SOX5: variants seen among roughly 807,000 people sequenced by gnomAD.
SOX5 encodes the protein SRY-box transcription factor 5.
A neutral mutation model predicts 92.0 loss-of-function variants in SOX5; 9 were observed. That is an observed-to-expected ratio of 0.10 (90% CI 0.06 to 0.17). The LOEUF is 0.17. SOX5 is among the 10% of genes least tolerant of loss of function. The pLI, the probability that SOX5 is intolerant of heterozygous loss-of-function variation, is 1.00. For missense variants in SOX5, 642 were observed against 944.5 expected (o/e 0.68, Z 4.20); for synonymous variants, 344 against 336.3 (o/e 1.02, Z -0.25).
chr12:24,406,635 T>C (rs975486892), intron 1 of SOX5, among the ~76,000 whole-genome samples: 3 of 152,074 alleles, frequency 2.0e-5, no homozygotes, highest in African/African-American at 7.2e-5. Context: ...TCTTCTGATA[T>C]TAAATTAACT....
At position 24,552,600 on chromosome 12, in the gene SOX5, T is replaced by G. The variant is rs893351810; in HGVS notation, c.-251+9729A>C. On this transcript the variant is annotated intron_variant, in intron 1 of 4. Coordinates refer to the SOX5 transcript ENST00000446891. ...GTATTCAGAATCTCTGCTTAAGTCA[T>G]AAAATACTTTCCCTTAAGTATATGC... 6.6e-5 allele frequency among the ~76,000 whole-genome samples: 10 copies of G among 152,380 alleles called. No individual in the cohort carries two copies. In the East Asian group the frequency reaches 1.5e-3, roughly 23 times the overall value.
intron 8 of SOX5, among the ~76,000 whole-genome samples, chr12:23,629,310 G>A (rs2078233125): frequency 6.6e-6 from 1 of 151,904 alleles, no homozygotes; most frequent in African/African-American, 2.4e-5. Context: ...CCTTTTAAAC[G>A]AAACAACTTA....
chr12:23,608,068 G>C (rs1422030638), intron 8 of SOX5, among the ~76,000 whole-genome samples: 1 of 126,120 alleles, frequency 7.9e-6, no homozygotes, highest in African/African-American at 3.0e-5. Flanking sequence ...CTGGGAGTTT[G>C]AGACCAGCCT....
At chr12:23,885,073 C>T (rs766440319) in intron 2 of SOX5, among the ~76,000 whole-genome samples, 1 of 152,064 alleles carries the variant, frequency 6.6e-6, no homozygotes, top group Non-Finnish European at 1.5e-5. Context: ...ATGTCCCTAG[C>T]GGTGCAAAGC....
chr12:23,966,347 C>A lies in SOX5; in HGVS notation c.-1-70323G>T, dbSNP rs536422877. Among the ~76,000 whole-genome samples the A allele has an allele frequency of 2.7e-5, 4 of 150,298 alleles. No individual in the cohort carries two copies. The East Asian group carries it at 7.9e-4, about 30-fold the overall frequency. On this transcript the variant is annotated intron_variant, in intron 4 of 4. Transcript: ENST00000446891. ...AAACTGAAAGGCAGGAAATTTTGTT[C>A]AGTAACTGTCATCATAAACATCTAA...
At chr12:24,095,450 T>C (rs187773392) in intron 4 of SOX5, among the ~76,000 whole-genome samples, 4 of 151,108 alleles carry the variant, frequency 2.6e-5, no homozygotes, top group Non-Finnish European at 5.9e-5. Flanking sequence ...TTTATTTATT[T>C]ATTTATTTAT....
chr12:23,672,899 AT>A (rs1169545212), intron 6 of SOX5, among the ~76,000 whole-genome samples: 2 of 152,142 alleles, frequency 1.3e-5, no homozygotes, highest in East Asian at 3.8e-4. Context: ...AGTAAACTTT[AT>A]TTTCAAATCT....
intron 4 of SOX5, among the ~76,000 whole-genome samples, chr12:24,111,882 AT>A (rs1265560184): frequency 6.6e-6 from 1 of 152,146 alleles, no homozygotes; most frequent in Non-Finnish European, 1.5e-5. Flanking sequence ...TATTATAGAT[AT>A]TTTCTGCCTT....
At chr12:24,157,094 A>T (rs999443433) in intron 4 of SOX5, among the ~76,000 whole-genome samples, 1 of 151,800 alleles carries the variant, frequency 6.6e-6, no homozygotes, top group Non-Finnish European at 1.5e-5. Flanking sequence ...TTTTCTTTCC[A>T]TTTTCATTGT....
chr12:24,555,246 T>A (rs1350575754), intron 1 of SOX5, among the ~76,000 whole-genome samples: 1 of 152,190 alleles, frequency 6.6e-6, no homozygotes, highest in Non-Finnish European at 1.5e-5. Flanking sequence ...CTCAACTGAA[T>A]AGAAAGCCTA....
At chr12:24,491,567 A>T (rs531194261) in intron 1 of SOX5, among the ~76,000 whole-genome samples, 1 of 152,344 alleles carries the variant, frequency 6.6e-6, no homozygotes, top group African/African-American at 2.4e-5. Flanking sequence ...ATGCAAAAAA[A>T]GTCCTTTGAA....
At chr12:24,028,583 A>C (rs1955141779) in intron 4 of SOX5, among the ~76,000 whole-genome samples, 1 of 151,982 alleles carries the variant, frequency 6.6e-6, no homozygotes, top group South Asian at 2.1e-4. Context: ...AGACTCTAAG[A>C]AGTTATAAGA....
intron 3 of SOX5, among the ~76,000 whole-genome samples, chr12:23,822,101 G>C (rs941707941): frequency 6.6e-6 from 1 of 151,874 alleles, no homozygotes; most frequent in South Asian, 2.1e-4. Context: ...TTTTTTGAAG[G>C]GTTTTTGTGT....
intron 2 of SOX5, among the ~76,000 whole-genome samples, chr12:23,886,732 A>C (rs2097071726): frequency 1.3e-5 from 2 of 152,186 alleles, no homozygotes; most frequent in Admixed American, 6.5e-5. Context: ...CTCAAAATTA[A>C]AAAAGAAATA....
intron 3 of SOX5, among the ~76,000 whole-genome samples, chr12:23,791,502 C>A (rs945069969): frequency 6.6e-6 from 1 of 152,182 alleles, no homozygotes; most frequent in African/African-American, 2.4e-5. Context: ...TGTTTCAGAG[C>A]ATTTCAGCTG....
chr12:23,958,741 A>G (rs1017318914), intron 4 of SOX5, among the ~76,000 whole-genome samples: 1 of 149,314 alleles, frequency 6.7e-6, no homozygotes, highest in African/African-American at 2.4e-5. Context: ...AAAAAAAAAG[A>G]TATCAAACTG....
At chr12:24,462,589 T>C (rs1943763575) in intron 1 of SOX5, among the ~76,000 whole-genome samples, 1 of 152,216 alleles carries the variant, frequency 6.6e-6, no homozygotes, top group African/African-American at 2.4e-5. Context: ...CCTCTGCTTC[T>C]ATAATCCCTA....
chr12:23,902,132 T>A (rs2097240630), intron 1 of SOX5, among the ~76,000 whole-genome samples: 1 of 152,148 alleles, frequency 6.6e-6, no homozygotes, highest in Admixed American at 6.5e-5. Context: ...TACTGAGCTA[T>A]CACCTACTTA....
intron 4 of SOX5, among the ~76,000 whole-genome samples, chr12:24,111,818 C>T (rs1306516798): frequency 6.6e-6 from 1 of 152,174 alleles, no homozygotes; most frequent in African/African-American, 2.4e-5. Context: ...TTCACAACTT[C>T]AATCATTACT....
Sources: allele counts gnomAD v4.1 joint callset (sites outside exome capture counted in the v4.1 genomes callset), GRCh38; gene constraint gnomAD v4.1.1; transcripts MANE v1.5; gene names NCBI Gene and HGNC (gene_info 2026-07-23, HGNC 2026-07-21).